Variants in PIK3AP1 observed in about 807,000 individuals in gnomAD.
PIK3AP1 encodes phosphoinositide 3-kinase adapter protein 1.
In PIK3AP1, 21 loss-of-function variants were observed where a neutral mutation model predicts 88.1. The observed-to-expected ratio is 0.24, with a 90% CI of 0.17 to 0.34. The LOEUF is 0.34. Among genes scored for constraint, PIK3AP1 ranks in the 10% least tolerant of loss-of-function variants. The pLI is 1.00. For synonymous variants in PIK3AP1, 398 were observed against 400.0 expected (o/e 1.00, Z 0.06); for missense variants, 828 against 1,035.7 (o/e 0.80, Z 2.75).
At chr10:96,651,134 G>A in intron 6 of PIK3AP1, 114 bp downstream of exon 6, 1 of 1,379,904 alleles carries the variant, frequency 7.2e-7, no homozygotes, top group South Asian at 1.3e-5. Flanking sequence ...AGGTTATAGA[G>A]AAGGGACCCA....
chr10:96,698,044 T>A (rs1363073380), intron 2 of PIK3AP1, among the ~76,000 whole-genome samples: 1 of 152,228 alleles, frequency 6.6e-6, no homozygotes, highest in Non-Finnish European at 1.5e-5. Context: ...GGTATTCCAT[T>A]GCATAGATGC....
chr10:96,714,646 A>G (rs995962891), intron 1 of PIK3AP1, among the ~76,000 whole-genome samples: 2 of 152,274 alleles, frequency 1.3e-5, no homozygotes, highest in African/African-American at 2.4e-5. Context: ...GAAATATTCA[A>G]TATGAGCCTG....
Position 96,693,891 on chromosome 10 carries a change from C to A in PIK3AP1, c.430+15676G>T, listed in dbSNP as rs12358157. 2.1e-3 allele frequency among the ~76,000 whole-genome samples: 315 copies of A among 152,292 alleles called. 1 individual carries two copies. Among genetic ancestry groups the A allele is most frequent in the Non-Finnish European group, 3.6e-3 (242 of 68,016 alleles). ...TTTAAAATTAAGTGCTTGAATAAAG[C>A]TACTCTAAAAGTTTAGATAGTCCTA... On this transcript the variant is annotated intron_variant, in intron 2 of 16. Coordinates refer to ENST00000339364, the MANE Select transcript of PIK3AP1 (RefSeq NM_152309.3).
intron 8 of PIK3AP1, among the ~76,000 whole-genome samples, chr10:96,635,802 G>A (rs1245475563): frequency 6.6e-6 from 1 of 152,158 alleles, no homozygotes; most frequent in African/African-American, 2.4e-5. Context: ...CCACTTGGGA[G>A]GCTGAGGCAG....
chr10:96,712,235 T>C (rs1844449066), intron 1 of PIK3AP1, among the ~76,000 whole-genome samples: 1 of 152,128 alleles, frequency 6.6e-6, no homozygotes, highest in Admixed American at 6.5e-5. Flanking sequence ...ACAAATCTTT[T>C]AAAAAGGCAA....
chr10:96,645,483 A>G lies in PIK3AP1; in HGVS notation c.1365T>C (p.Thr455=), dbSNP rs1446686471. ...GGTTGTGCTACTTACAGAGGTCTTC[A>G]GTGGCAGCTGGGACAAAGGCAGCCA... is the stretch of plus-strand genomic sequence containing the variant. The part of the protein sequence containing the change: ...ESMAAFVPAA[T]EDLYVEMLQA... The change falls in exon 8 of 17, where the codon ACT becomes ACC. Residue 455 remains threonine, a synonymous_variant. Coordinates refer to ENST00000339364, the MANE Select transcript of PIK3AP1 (RefSeq NM_152309.3). 6.2e-7 allele frequency: 1 copy of G among 1,613,574 alleles called. No homozygotes were observed. Among genetic ancestry groups the G allele is most frequent in the South Asian group, 1.1e-5 (1 of 91,000 alleles).
chr10:96,682,009 TATATAGAGAG>T (rs1273310639), intron 2 of PIK3AP1, among the ~76,000 whole-genome samples: 36 of 128,730 alleles, frequency 2.8e-4, no homozygotes, highest in African/African-American at 9.4e-4. Context: ...TATATATATA[TATATAGAGAG>T]AGAGAGAGAG....
chr10:96,650,310 G>C lies in PIK3AP1; in HGVS notation c.988+938C>G, dbSNP rs566035679. Among the ~76,000 whole-genome samples, 38 of 152,278 alleles carry C rather than the reference G, an allele frequency of 2.5e-4. 1 individual carries two copies. The highest frequency in any genetic ancestry group is 9.1e-4 in the African/African-American group (38 of 41,552). ...GTAGGCAGAAGGTAACCAGAGACTT[G>C]GGTCCCATTTGTGTAGTGCAACCAT... On this transcript the variant is annotated intron_variant, in intron 6 of 16. Coordinates refer to ENST00000339364, the MANE Select transcript of PIK3AP1 (RefSeq NM_152309.3).
At chr10:96,650,798 T>C (rs531064745) in intron 6 of PIK3AP1, among the ~76,000 whole-genome samples, 71 of 152,268 alleles carry the variant, frequency 4.7e-4, no homozygotes, top group African/African-American at 1.7e-3. Flanking sequence ...AAAAAGCTCA[T>C]ACCTCCTGCA....
chr10:96,636,584 T>C (rs911272257), intron 8 of PIK3AP1, among the ~76,000 whole-genome samples: 4 of 152,232 alleles, frequency 2.6e-5, no homozygotes, highest in South Asian at 2.1e-4. Context: ...CATTCCTGGA[T>C]GCTCAGGGCT....
At chr10:96,653,418 A>AC (rs1843569662) in intron 3 of PIK3AP1, among the ~76,000 whole-genome samples, 3 of 150,560 alleles carry the variant, frequency 2.0e-5, no homozygotes, top group Admixed American at 6.6e-5. Context: ...AAAAAAAAAA[A>AC]AACACACACA....
intron 7 of PIK3AP1, among the ~76,000 whole-genome samples, chr10:96,647,758 G>A (rs1447314898): frequency 2.0e-5 from 3 of 152,184 alleles, no homozygotes; most frequent in South Asian, 2.1e-4. Flanking sequence ...GAGCAAGACC[G>A]GGCTGTGTTT....
At position 96,710,009 on chromosome 10, in the gene PIK3AP1, A is replaced by G. The variant is rs776239765; in HGVS notation, c.14-26T>C. ...CTGGACAAGAATGAGGCACAGAAGC[A>G]TGTTAGCACACCTCCCCTTCTAGGT... On this transcript the variant is annotated intron_variant, in intron 1 of 16. Coordinates refer to ENST00000339364, the MANE Select transcript of PIK3AP1 (RefSeq NM_152309.3). 4 of 1,548,350 alleles carry G rather than the reference A, an allele frequency of 2.6e-6. No individual in the cohort carries two copies. In the East Asian group the frequency reaches 6.8e-5, roughly 26 times the overall value.
chr10:96,652,987 G>A lies in PIK3AP1; in HGVS notation c.568-145C>T, dbSNP rs912196321. 5.0e-5 allele frequency: 43 copies of A among 863,870 alleles called. No individual in the cohort carries two copies. The African/African-American group carries it at 5.6e-4, about 11-fold the overall frequency. The allele number at this position is 863,870 out of a possible 1,614,324, so 53.5% of individuals were successfully genotyped here. ...GGTGGACTCAGTGGTCCAGTGCTGG[G>A]CAGTGAACTGTTTGCTACCAGTCCC... is the stretch of plus-strand genomic sequence containing the variant. On this transcript the variant is annotated intron_variant, in intron 3 of 16. Coordinates refer to ENST00000339364, the MANE Select transcript of PIK3AP1 (RefSeq NM_152309.3).
intron 12 of PIK3AP1, chr10:96,619,305 G>A (rs1044978725): frequency 2.0e-5 from 3 of 152,232 alleles, no homozygotes; most frequent in Non-Finnish European, 2.9e-5. Context: ...GACGGGTGCT[G>A]CTTACTCCCC....
chr10:96,632,974 C>T, intron 8 of PIK3AP1: 1 of 1,612,840 alleles, frequency 6.2e-7, no homozygotes, highest in Non-Finnish European at 8.5e-7. Flanking sequence ...AGCTGGTCTT[C>T]CTTTGAGCCA....
rs112064673 is a variant in PIK3AP1 at position 96,613,959 on chromosome 10, G to A, written c.2014+2680C>T. ...GAGGCTCAGGGAGGTGACATATCTC[G>A]CCCACAGCTCCCAGCTAGTGAGGGG... On this transcript the variant is annotated intron_variant, in intron 13 of 16. Transcript: ENST00000339364. 4.7e-4 allele frequency among the ~76,000 whole-genome samples: 71 copies of A among 152,230 alleles called. 2 individuals carry two copies. Among genetic ancestry groups the A allele is most frequent in the African/African-American group, 1.3e-3 (52 of 41,536 alleles).
At chr10:96,715,328 A>T (rs991359387) in intron 1 of PIK3AP1, among the ~76,000 whole-genome samples, 7 of 152,210 alleles carry the variant, frequency 4.6e-5, no homozygotes, top group African/African-American at 1.7e-4. Context: ...GCCTAGGGAG[A>T]CATGACTACC....
At chr10:96,696,764 G>T (rs1049913668) in intron 2 of PIK3AP1, among the ~76,000 whole-genome samples, 1 of 152,108 alleles carries the variant, frequency 6.6e-6, no homozygotes, top group Non-Finnish European at 1.5e-5. Context: ...GACTCAACTT[G>T]AGCTAATGTC....
Sources: allele counts gnomAD v4.1 joint callset (sites outside exome capture counted in the v4.1 genomes callset), GRCh38; gene constraint gnomAD v4.1.1; transcripts MANE v1.5; gene names NCBI Gene and HGNC (gene_info 2026-07-23, HGNC 2026-07-21).